RASGEF1C: variants seen among roughly 807,000 people sequenced by gnomAD.
RASGEF1C encodes ras-GEF domain-containing family member 1C.
RASGEF1C carries 27 observed loss-of-function variants against 58.1 expected under a neutral mutation model. The observed-to-expected ratio is 0.46, with a 90% CI of 0.34 to 0.64. The LOEUF (loss-of-function observed/expected upper bound fraction) is 0.64, where lower values mean the gene tolerates loss of function less well. RASGEF1C is among the 30% of genes least tolerant of loss of function. RASGEF1C has a pLI of 0.01. For missense variants in RASGEF1C, 502 were observed against 605.1 expected (o/e 0.83, Z 1.79); for synonymous variants, 243 against 246.3 (o/e 0.99, Z 0.13).
chr5:180,137,081 C>T lies in RASGEF1C; in HGVS notation c.300+509G>A, dbSNP rs775167697. Among the ~76,000 whole-genome samples, 36 of 152,176 alleles carry T rather than the reference C, an allele frequency of 2.4e-4. No individual in the cohort carries two copies. Among genetic ancestry groups the T allele is most frequent in the Non-Finnish European group, 4.6e-4 (31 of 68,028 alleles). On this transcript the variant is annotated intron_variant, in intron 3 of 13. Coordinates refer to ENST00000361132, the MANE Select transcript of RASGEF1C (RefSeq NM_175062.4). The surrounding 1 kb of genome is among the most constrained non-coding windows in gnomAD (Gnocchi z 4.1). The stretch of plus-strand genomic sequence containing the variant: ...AGCAGAGGGCGGGAGGGAGACAGGC[C>T]ACGGTGCAGTGCTGTGGTGTGAGGC...
Position 180,136,505 on chromosome 5 carries a change from C to A in RASGEF1C, c.311G>T (p.Arg104Leu). The A allele has an allele frequency of 6.4e-7, 1 of 1,570,578 alleles. No homozygotes were observed. ...DKPVLDKARV[R>L]KFGPKLLQLL... ...CTGCAGCAGTTTGGGGCCGAACTTC[C>A]GGACCCGGGCCTACGGGCAAGCGAG... Residue 104 changes from arginine to leucine, a missense_variant, in exon 4 of 14, where the codon CGG becomes CTG. Coordinates refer to ENST00000361132, the MANE Select transcript of RASGEF1C (RefSeq NM_175062.4).
Position 180,143,317 on chromosome 5 carries a change from G to T in RASGEF1C, c.-6-5259C>A, listed in dbSNP as rs373758660. Among the ~76,000 whole-genome samples the T allele has an allele frequency of 5.3e-5, 8 of 152,284 alleles. No homozygotes were observed. The highest frequency in any genetic ancestry group is 1.9e-4 in the East Asian group (1 of 5,176). ...CTGGCAAAGTTTCTGGGACAGCATG[G>T]CCCCAGCCCAACCCCTCTATGGGAG... On this transcript the variant is annotated intron_variant, in intron 1 of 13. Transcript: ENST00000361132. This position sits in a 1 kb window ranked among gnomAD's most constrained non-coding sequence, Gnocchi z 4.3.
intron 1 of RASGEF1C, among the ~76,000 whole-genome samples, chr5:180,203,080 A>AGAGCGAGACTCCGTCTC (rs1756425145): frequency 6.6e-6 from 1 of 152,198 alleles, no homozygotes; most frequent in Non-Finnish European, 1.5e-5. Flanking sequence ...AAACTTTGGC[A>AGAGCGAGACTCCGTCTC]AAAATAAATA....
intron 1 of RASGEF1C, among the ~76,000 whole-genome samples, chr5:180,195,526 C>T (rs1483973470): frequency 6.6e-6 from 1 of 152,038 alleles, no homozygotes; most frequent in Non-Finnish European, 1.5e-5. Context: ...TTTGGGAGGC[C>T]GAGGCGGGTG....
chr5:180,182,457 G>C (rs527734993), intron 1 of RASGEF1C, among the ~76,000 whole-genome samples: 3 of 152,296 alleles, frequency 2.0e-5, no homozygotes, highest in South Asian at 2.1e-4. Context: ...AGCTGGAAGA[G>C]AACCCCAGCA....
chr5:180,164,133 G>A lies in RASGEF1C; in HGVS notation c.-6-26075C>T, dbSNP rs79287484. Among the ~76,000 whole-genome samples, 716 of 152,110 alleles carry A rather than the reference G, an allele frequency of 4.7e-3. 6 individuals carry two copies. Among genetic ancestry groups the A allele is most frequent in the African/African-American group, 0.016 (675 of 41,484 alleles). ...CTCTCTTTTGTTCTTTGTCAGTATC[G>A]CTAGAGATTTGTCAATTGTATTGAT... On this transcript the variant is annotated intron_variant, in intron 1 of 13. Coordinates refer to ENST00000361132, the MANE Select transcript of RASGEF1C (RefSeq NM_175062.4).
chr5:180,173,469 C>T (rs1287370824), intron 1 of RASGEF1C, among the ~76,000 whole-genome samples: 2 of 152,208 alleles, frequency 1.3e-5, no homozygotes, highest in African/African-American at 4.8e-5. Flanking sequence ...GCAGAAGCAG[C>T]TATGTGGACG....
chr5:180,178,815 T>G (rs770218535), intron 1 of RASGEF1C, among the ~76,000 whole-genome samples: 3 of 151,826 alleles, frequency 2.0e-5, no homozygotes, highest in African/African-American at 4.8e-5. Context: ...CAGCCTTATA[T>G]GTAAAATGGG....
chr5:180,169,324 C>A (rs1255208742), intron 1 of RASGEF1C, among the ~76,000 whole-genome samples: 1 of 152,180 alleles, frequency 6.6e-6, no homozygotes, highest in East Asian at 1.9e-4. Flanking sequence ...AACAGGCCAT[C>A]CACACTCCCA....
chr5:180,170,478 C>T (rs1343457469), intron 1 of RASGEF1C, among the ~76,000 whole-genome samples: 1 of 152,248 alleles, frequency 6.6e-6, no homozygotes, highest in African/African-American at 2.4e-5. Flanking sequence ...TCTCATTCAA[C>T]TCCCCACGCC....
intron 3 of RASGEF1C, chr5:180,136,779 G>A (rs917857433): frequency 3.7e-5 from 18 of 487,786 alleles, no homozygotes; most frequent in Middle Eastern, 5.4e-4. Context: ...TTCGCGCTGC[G>A]GGGAGTGGGG....
Position 180,121,156 on chromosome 5 carries a change from C to T in RASGEF1C, c.715-7G>A, listed in dbSNP as rs1417486224. ...TCTTGTCACTGAAGCAGGGCTAGAA[C>T]AAACACAGCACACGGGACCACGTTC... On this transcript the variant is annotated splice_region_variant and splice_polypyrimidine_tract_variant and intron_variant, in intron 6 of 13. Coordinates refer to ENST00000361132, the MANE Select transcript of RASGEF1C (RefSeq NM_175062.4). 2 of 1,606,968 alleles carry T rather than the reference C, an allele frequency of 1.2e-6. No homozygotes were observed. Among genetic ancestry groups the T allele is most frequent in the African/African-American group, 1.3e-5 (1 of 74,862 alleles).
intron 6 of RASGEF1C, among the ~76,000 whole-genome samples, chr5:180,126,611 G>C (rs1313489632): frequency 6.6e-6 from 1 of 152,130 alleles, no homozygotes; most frequent in Non-Finnish European, 1.5e-5. Context: ...GTGCCTGGAG[G>C]GATAGGTCTT....
At chr5:180,170,170 G>A (rs1287625151) in intron 1 of RASGEF1C, among the ~76,000 whole-genome samples, 1 of 152,214 alleles carries the variant, frequency 6.6e-6, no homozygotes, top group African/African-American at 2.4e-5. Flanking sequence ...CTGGCCGAGT[G>A]GATGAGTGAG....
At chr5:180,107,245 G>C (rs1765886602) in intron 12 of RASGEF1C, among the ~76,000 whole-genome samples, 1 of 152,068 alleles carries the variant, frequency 6.6e-6, no homozygotes, top group Admixed American at 6.5e-5. Context: ...GGTGTATTTA[G>C]ACCATTTACA....
At chr5:180,154,592 T>A (rs900488389) in intron 1 of RASGEF1C, among the ~76,000 whole-genome samples, 1 of 151,492 alleles carries the variant, frequency 6.6e-6, no homozygotes, top group African/African-American at 2.4e-5. Context: ...TCTTTTTTTT[T>A]TTTTTTGAGA....
chr5:180,194,896 T>A (rs1404323654), intron 1 of RASGEF1C, among the ~76,000 whole-genome samples: 11 of 151,638 alleles, frequency 7.3e-5, no homozygotes, highest in African/African-American at 2.7e-4. Context: ...GAGCTGCGGC[T>A]TCTCCTGGCT....
At chr5:180,159,418 G>T (rs1057389106) in intron 1 of RASGEF1C, among the ~76,000 whole-genome samples, 5 of 152,170 alleles carry the variant, frequency 3.3e-5, no homozygotes, top group Non-Finnish European at 4.4e-5. Flanking sequence ...GGGATTACAG[G>T]CATGAGCCAC....
At chr5:180,169,005 A>G (rs549243585) in intron 1 of RASGEF1C, among the ~76,000 whole-genome samples, 1 of 152,116 alleles carries the variant, frequency 6.6e-6, no homozygotes, top group Non-Finnish European at 1.5e-5. Flanking sequence ...AAAGCCCTCA[A>G]GTAGCTTCTC....
Sources: allele counts gnomAD v4.1 joint callset (sites outside exome capture counted in the v4.1 genomes callset), GRCh38; gene constraint gnomAD v4.1.1; non-coding constraint Gnocchi (gnomAD v3.1); transcripts MANE v1.5; gene names NCBI Gene and HGNC (gene_info 2026-07-23, HGNC 2026-07-21).